The following SLC12A8 variants were observed in gnomAD, a reference collection of about 807,000 sequenced individuals.
The protein encoded by SLC12A8 is solute carrier family 12 member 8.
In SLC12A8, 69 loss-of-function variants were observed where a neutral mutation model predicts 75.6. The ratio of observed to expected loss-of-function variants is 0.91; its 90% confidence interval spans 0.75 to 1.11. The LOEUF is 1.11. SLC12A8 is among the 50% of genes most tolerant of loss of function. SLC12A8 has a pLI of 0.00. For missense variants in SLC12A8, 877 were observed against 896.7 expected (o/e 0.98, Z 0.28); for synonymous variants, 365 against 372.8 (o/e 0.98, Z 0.24).
chr3:125,092,724 T>C (rs927301685), intron 10 of SLC12A8, among the ~76,000 whole-genome samples: 3 of 152,156 alleles, frequency 2.0e-5, no homozygotes, highest in African/African-American at 7.2e-5. Context: ...CCTCTGGCAA[T>C]TGAAATGGCT....
chr3:125,089,430 GA>G (rs1399444761), intron 12 of SLC12A8, among the ~76,000 whole-genome samples: 2 of 151,982 alleles, frequency 1.3e-5, no homozygotes, highest in Non-Finnish European at 2.9e-5. Flanking sequence ...GTTTTCCTAT[GA>G]ATAGATTTCT....
At chr3:125,124,508 G>C (rs112118546) in intron 6 of SLC12A8, among the ~76,000 whole-genome samples, 11,687 of 152,138 alleles carry the variant, frequency 0.077, 1,418 homozygotes, top group African/African-American at 0.26. Context: ...TGTATTTTTA[G>C]TAGAGATGGG....
At chr3:125,133,973 T>A (rs891144230) in intron 6 of SLC12A8, among the ~76,000 whole-genome samples, 1 of 152,258 alleles carries the variant, frequency 6.6e-6, no homozygotes, top group Non-Finnish European at 1.5e-5. Context: ...TCACTATAGA[T>A]TGCATTTTCT....
At chr3:125,134,096 T>C (rs1933431034) in intron 6 of SLC12A8, among the ~76,000 whole-genome samples, 1 of 152,086 alleles carries the variant, frequency 6.6e-6, no homozygotes, top group Non-Finnish European at 1.5e-5. Context: ...GTTGTGTGTA[T>C]CGATAGTTAT....
At position 125,157,465 on chromosome 3, in the gene SLC12A8, C is replaced by T. The variant is rs367673125; in HGVS notation, c.622+20278G>A. ...CTGGAAGCCCTAGAAGCTGAAAGTT[C>T]CCTGAGCTTCCCTCTGCCTCCTCGC... On this transcript the variant is annotated intron_variant, in intron 5 of 13. Transcript: ENST00000469902. Among the ~76,000 whole-genome samples, 5 of 152,272 alleles carry T rather than the reference C, an allele frequency of 3.3e-5. No homozygotes were observed. In the East Asian group the frequency reaches 5.8e-4, roughly 18 times the overall value.
chr3:125,194,230 G>C lies in SLC12A8; in HGVS notation c.52-3709C>G, dbSNP rs374025049. 1.3e-3 allele frequency among the ~76,000 whole-genome samples: 198 copies of C among 152,342 alleles called. 1 individual carries two copies. Among genetic ancestry groups the C allele is most frequent in the African/African-American group, 4.5e-3 (189 of 41,582 alleles). ...CCAGGGGTGCGGCGACTTGGCGCCT[G>C]GCCCAGGATGATCCCTCTGCCATGC... is the stretch of plus-strand genomic sequence containing the variant. On this transcript the variant is annotated intron_variant, in intron 2 of 13. Transcript: ENST00000469902.
intron 5 of SLC12A8, among the ~76,000 whole-genome samples, chr3:125,172,907 A>G (rs1267222172): frequency 5.9e-5 from 9 of 152,210 alleles, no homozygotes; most frequent in Admixed American, 3.9e-4. Flanking sequence ...GGTCAGGCGC[A>G]GTGGCTCACA....
At position 125,110,174 on chromosome 3, in the gene SLC12A8, A is replaced by C; in HGVS notation, c.1059+15T>G. The C allele has an allele frequency of 4.4e-6, 7 of 1,600,934 alleles. No individual in the cohort carries two copies. The highest frequency in any genetic ancestry group is 6.0e-6 in the Non-Finnish European group (7 of 1,171,894). ...CATGTTTCAAAAAACAAACCAAAAAAAGAGGATTACTCACCCCTTGTCCCA... is the reference window on the plus strand; with the variant it reads ...CATGTTTCAAAAAACAAACCAAAAACAGAGGATTACTCACCCCTTGTCCCA... On this transcript the variant is annotated intron_variant, in intron 9 of 13. Coordinates refer to ENST00000469902, the MANE Select transcript of SLC12A8 (RefSeq NM_024628.6).
At chr3:125,140,426 T>C (rs1933602032) in intron 5 of SLC12A8, among the ~76,000 whole-genome samples, 1 of 152,200 alleles carries the variant, frequency 6.6e-6, no homozygotes, top group Non-Finnish European at 1.5e-5. Flanking sequence ...TCCCAGGCCC[T>C]GGCACTGCAC....
chr3:125,140,786 C>T (rs150839377), intron 5 of SLC12A8, among the ~76,000 whole-genome samples: 3 of 152,032 alleles, frequency 2.0e-5, no homozygotes, highest in Non-Finnish European at 4.4e-5. Flanking sequence ...GTGGCACTAT[C>T]GTAGCTCACT....
At chr3:125,139,150 C>CT (rs1164006676) in intron 5 of SLC12A8, among the ~76,000 whole-genome samples, 27 of 152,172 alleles carry the variant, frequency 1.8e-4, no homozygotes, top group Admixed American at 5.9e-4. Flanking sequence ...CGTTTGTACT[C>CT]TGTTTCCCAA....
intron 5 of SLC12A8, among the ~76,000 whole-genome samples, chr3:125,147,151 G>T (rs78498768): frequency 1.3e-5 from 2 of 152,212 alleles, no homozygotes; most frequent in African/African-American, 4.8e-5. Context: ...AATCAAGGGC[G>T]CTGTTGTCCT....
At chr3:125,113,032 T>A (rs1442791139) in intron 8 of SLC12A8, among the ~76,000 whole-genome samples, 1 of 152,246 alleles carries the variant, frequency 6.6e-6, no homozygotes, top group African/African-American at 2.4e-5. Flanking sequence ...AGGTTATGTA[T>A]ATTTGAATTT....
At chr3:125,201,009 T>C (rs1935109300) in intron 2 of SLC12A8, among the ~76,000 whole-genome samples, 1 of 152,234 alleles carries the variant, frequency 6.6e-6, no homozygotes, top group Non-Finnish European at 1.5e-5. Context: ...AAGAACATGC[T>C]AGAATTTTTA....
intron 5 of SLC12A8, among the ~76,000 whole-genome samples, chr3:125,160,587 A>C (rs1324447929): frequency 6.6e-6 from 1 of 152,132 alleles, no homozygotes; most frequent in Admixed American, 6.5e-5. Context: ...TCTCTCAATC[A>C]GCCACTGGTT....
At chr3:125,129,600 C>T (rs994031679) in intron 6 of SLC12A8, among the ~76,000 whole-genome samples, 10 of 152,142 alleles carry the variant, frequency 6.6e-5, no homozygotes, top group African/African-American at 2.4e-4. Flanking sequence ...ATATCTCTGT[C>T]AGGAGGATGG....
At chr3:125,110,470 C>G in intron 8 of SLC12A8, 135 bp from the exon 9 acceptor site, 1 of 761,886 alleles carries the variant, frequency 1.3e-6, no homozygotes, top group Non-Finnish European at 2.0e-6. Flanking sequence ...GATACAGTTT[C>G]CACATCCCCA....
chr3:125,159,990 G>A (rs1360150047), intron 5 of SLC12A8, among the ~76,000 whole-genome samples: 4 of 152,146 alleles, frequency 2.6e-5, no homozygotes, highest in Admixed American at 6.5e-5. Context: ...CAGGGTTCTC[G>A]CTCTGTCGCC....
At chr3:125,185,595 G>A (rs1934761094) in intron 4 of SLC12A8, among the ~76,000 whole-genome samples, 1 of 152,034 alleles carries the variant, frequency 6.6e-6, no homozygotes, top group Non-Finnish European at 1.5e-5. Flanking sequence ...GAGAAGGAGG[G>A]AACACCTTCC....
Sources: gnomAD v4.1 joint callset for allele counts (sites outside exome capture counted in the v4.1 genomes callset) on GRCh38, gnomAD v4.1.1 for gene constraint, MANE v1.5 for transcripts, NCBI Gene and HGNC (gene_info 2026-07-23, HGNC 2026-07-21) for gene names.